AKAP19: variants seen among roughly 807,000 people sequenced by gnomAD.
AKAP19 encodes small A-kinase anchoring protein.
At chr2:189,992,837 C>A in the AKAP19 span, among the ~76,000 whole-genome samples, 1 of 152,042 alleles carries the variant, frequency 6.6e-6, no homozygotes, top group Non-Finnish European at 1.5e-5. Context: ...TGGTGTATAC[C>A]AGTGCTACTG....
At chr2:190,032,789 T>G in the AKAP19 span, among the ~76,000 whole-genome samples, 3 of 152,132 alleles carry the variant, frequency 2.0e-5, no homozygotes, top group African/African-American at 7.2e-5. Flanking sequence ...AAACATTAAG[T>G]TGCAGGTACC....
chr2:190,101,807 A>G, the AKAP19 span, among the ~76,000 whole-genome samples: 1 of 152,144 alleles, frequency 6.6e-6, no homozygotes, highest in Non-Finnish European at 1.5e-5. Context: ...AAACTAACAA[A>G]TACATTCTGG....
chr2:190,140,591 G>C, the AKAP19 span, among the ~76,000 whole-genome samples: 135 of 152,304 alleles, frequency 8.9e-4, no homozygotes, highest in African/African-American at 3.1e-3. Context: ...TGGCCACACT[G>C]TACCTTGGCC....
the AKAP19 span, among the ~76,000 whole-genome samples, chr2:189,897,987 C>A: frequency 1.3e-5 from 2 of 152,046 alleles, no homozygotes; most frequent in Admixed American, 6.6e-5. Flanking sequence ...GACGGTGGAT[C>A]GCTTGAGCCC....
chr2:190,129,612 G>C, the AKAP19 span, among the ~76,000 whole-genome samples: 3 of 152,090 alleles, frequency 2.0e-5, no homozygotes, highest in Admixed American at 6.6e-5. Context: ...GCATAGTATA[G>C]TCTAATGTTG....
the AKAP19 span, among the ~76,000 whole-genome samples, chr2:189,914,287 T>G: frequency 6.6e-6 from 1 of 152,130 alleles, no homozygotes; most frequent in African/African-American, 2.4e-5. Context: ...GTTTATTTAT[T>G]ACAAATTGAT....
At chr2:189,980,059 G>T in the AKAP19 span, among the ~76,000 whole-genome samples, 1 of 151,988 alleles carries the variant, frequency 6.6e-6, no homozygotes, top group South Asian at 2.1e-4. Flanking sequence ...ATCTCACTAG[G>T]GGGCACCTAC....
chr2:190,043,293 A>G, the AKAP19 span, among the ~76,000 whole-genome samples: 1 of 152,110 alleles, frequency 6.6e-6, no homozygotes, highest in Non-Finnish European at 1.5e-5. Flanking sequence ...ATGTTTTCCA[A>G]GTTGTTTGCT....
At chr2:189,886,793 A>G in the AKAP19 span, among the ~76,000 whole-genome samples, 2 of 150,968 alleles carry the variant, frequency 1.3e-5, no homozygotes, top group African/African-American at 2.4e-5. Context: ...GAACTGTGCC[A>G]TAGCAAACAT....
chr2:190,057,849 C>T, the AKAP19 span, among the ~76,000 whole-genome samples: 1 of 152,104 alleles, frequency 6.6e-6, no homozygotes, highest in East Asian at 1.9e-4. Context: ...TACAAATTCC[C>T]CTAAGGTCAG....
the AKAP19 span, among the ~76,000 whole-genome samples, chr2:189,944,398 C>T: frequency 6.6e-6 from 1 of 152,108 alleles, no homozygotes; most frequent in Admixed American, 6.5e-5. Context: ...TGAGGCCTCC[C>T]TAGAAGCTGA....
chr2:189,937,338 G>T, the AKAP19 span, among the ~76,000 whole-genome samples: 1 of 151,942 alleles, frequency 6.6e-6, no homozygotes, highest in South Asian at 2.1e-4. Flanking sequence ...ATTGAACTTG[G>T]GAAAGCCAGC....
the AKAP19 span, among the ~76,000 whole-genome samples, chr2:189,883,071 A>C: frequency 6.6e-6 from 1 of 152,190 alleles, no homozygotes; most frequent in African/African-American, 2.4e-5. Flanking sequence ...TCTAGCTTTT[A>C]AAAATTCTGT....
At chr2:189,947,028 T>G in the AKAP19 span, among the ~76,000 whole-genome samples, 2 of 152,340 alleles carry the variant, frequency 1.3e-5, no homozygotes, top group East Asian at 3.9e-4. Context: ...AAGCCTCAGT[T>G]TCATTTCTTT....
chr2:189,939,092 A>G, the AKAP19 span, among the ~76,000 whole-genome samples: 6 of 152,172 alleles, frequency 3.9e-5, no homozygotes, highest in East Asian at 1.2e-3. Flanking sequence ...TGTGTGAAGG[A>G]AGAAATATTC....
chr2:189,959,703 T>G, the AKAP19 span, among the ~76,000 whole-genome samples: 1 of 152,178 alleles, frequency 6.6e-6, no homozygotes, highest in African/African-American at 2.4e-5. Flanking sequence ...CTTAGGAATG[T>G]GTGACAAGCT....
At chr2:190,116,175 CT>C in the AKAP19 span, among the ~76,000 whole-genome samples, 2 of 152,178 alleles carry the variant, frequency 1.3e-5, no homozygotes, top group African/African-American at 2.4e-5. Context: ...CATTAGCACT[CT>C]TAGTCCATTT....
chr2:190,057,605 G>T, the AKAP19 span: 2 of 1,613,286 alleles, frequency 1.2e-6, no homozygotes, highest in Non-Finnish European at 1.7e-6. Flanking sequence ...GATCTTTTTG[G>T]TGTGTCTGTT....
chr2:190,095,308 G>C, the AKAP19 span, among the ~76,000 whole-genome samples: 1 of 152,148 alleles, frequency 6.6e-6, no homozygotes, highest in Non-Finnish European at 1.5e-5. Flanking sequence ...AATACCTTTG[G>C]TAATATCAGT....
Sources: gnomAD v4.1 joint callset for allele counts (sites outside exome capture counted in the v4.1 genomes callset) on GRCh38, gnomAD v4.1.1 for gene constraint, MANE v1.5 for transcripts, NCBI Gene and HGNC (gene_info 2026-07-23, HGNC 2026-07-21) for gene names.